Variants in TMEM39A observed in about 807,000 individuals in gnomAD.
TMEM39A encodes suppressor of SQST-1 aggregates in rpl-43 mutants.
A neutral mutation model predicts 51.9 loss-of-function variants in TMEM39A; 19 were observed. That is an observed-to-expected ratio of 0.37 (90% CI 0.26 to 0.54). TMEM39A has a LOEUF of 0.54. TMEM39A is among the 20% of genes least tolerant of loss of function. The pLI is 0.88. For missense variants in TMEM39A, 433 were observed against 590.5 expected (o/e 0.73, Z 2.76); for synonymous variants, 197 against 220.2 (o/e 0.89, Z 0.93).
chr3:119,438,372 A>T (rs1038931537), intron 5 of TMEM39A, among the ~76,000 whole-genome samples: 1 of 152,214 alleles, frequency 6.6e-6, no homozygotes, highest in African/African-American at 2.4e-5. Context: ...AGCAATAATC[A>T]TTTTTATAAC....
rs777966455 is a variant in TMEM39A, at chr3:119,451,428, AG to A, written c.420+1018del. 193 of 575,096 alleles carry A rather than the reference AG, an allele frequency of 3.4e-4. 1 individual carries two copies. Among genetic ancestry groups the A allele is most frequent in the Non-Finnish European group, 4.3e-4 (153 of 356,630 alleles). The allele number at this position is 575,096 out of a possible 1,614,324, so 35.6% of individuals were successfully genotyped here. A position where few individuals can be genotyped will look rare whatever the true frequency, so the allele number is the denominator to read the frequency against. ...TATAAGTTCCAAGATTAAAATTATT[AG>A]CCACTTCAGCTAAATTAACATTTTT... On this transcript the variant is annotated intron_variant, in intron 4 of 8. Transcript: ENST00000319172.
At chr3:119,456,973 C>CTT (rs35937230) in intron 3 of TMEM39A, among the ~76,000 whole-genome samples, 1,706 of 140,630 alleles carry the variant, frequency 0.012, 32 homozygotes, top group African/African-American at 0.037. Flanking sequence ...TCATGGTACT[C>CTT]TTTTTTTTTT....
At chr3:119,442,474 T>C (rs974578765) in intron 5 of TMEM39A, among the ~76,000 whole-genome samples, 4 of 152,240 alleles carry the variant, frequency 2.6e-5, no homozygotes, top group Admixed American at 2.6e-4. Context: ...GAAGTAATTC[T>C]GATTTTCAAA....
intron 2 of TMEM39A, among the ~76,000 whole-genome samples, 199 bp downstream of exon 2, chr3:119,461,763 C>G (rs2081342529): frequency 6.6e-6 from 1 of 152,180 alleles, no homozygotes; most frequent in Non-Finnish European, 1.5e-5. Flanking sequence ...GGACTGCTTT[C>G]ACTTTGTGGG....
intron 5 of TMEM39A, among the ~76,000 whole-genome samples, chr3:119,438,790 C>T (rs1014276988): frequency 2.0e-5 from 3 of 152,160 alleles, no homozygotes; most frequent in African/African-American, 7.2e-5. Flanking sequence ...CCTCCTGCCT[C>T]CCTACTGTAT....
At chr3:119,450,805 C>T (rs1021830987) in intron 4 of TMEM39A, among the ~76,000 whole-genome samples, 8 of 112,490 alleles carry the variant, frequency 7.1e-5, no homozygotes, top group South Asian at 3.0e-4. Flanking sequence ...TCAACCTAGG[C>T]GACAGAGCCA....
intron 5 of TMEM39A, among the ~76,000 whole-genome samples, chr3:119,443,134 CGGATAAGGAGCTGCTTCTTAT>C (rs2081078457): frequency 6.9e-6 from 1 of 144,834 alleles, no homozygotes; most frequent in Non-Finnish European, 1.5e-5. Flanking sequence ...CAAACTTAAA[CGGATAAGGAGCTGCTTCTTAT>C]GGATAAGAAA....
chr3:119,436,561 CTA>C, intron 7 of TMEM39A: 1 of 455,632 alleles, frequency 2.2e-6, no homozygotes, highest in Non-Finnish European at 4.0e-6. Flanking sequence ...ATTACACACA[CTA>C]GAGTGACTGG....
intron 5 of TMEM39A, among the ~76,000 whole-genome samples, chr3:119,442,030 A>C (rs147484760): frequency 4.8e-4 from 73 of 152,350 alleles, no homozygotes; most frequent in African/African-American, 1.6e-3. Context: ...ACGGTTTAGA[A>C]AAAAGATTCC....
chr3:119,462,569 A>G (rs2081351790), intron 1 of TMEM39A, among the ~76,000 whole-genome samples: 2 of 135,458 alleles, frequency 1.5e-5, no homozygotes, highest in African/African-American at 5.6e-5. Context: ...AGATGGTCAC[A>G]TATTATCTGA....
At chr3:119,442,988 C>T (rs2107669731) in intron 5 of TMEM39A, among the ~76,000 whole-genome samples, 1 of 150,636 alleles carries the variant, frequency 6.6e-6, no homozygotes, top group African/African-American at 2.4e-5. Flanking sequence ...ATCACTTGAG[C>T]CCAGGAGACA....
At chr3:119,453,667 A>T (rs1384135214) in intron 3 of TMEM39A, among the ~76,000 whole-genome samples, 1 of 152,204 alleles carries the variant, frequency 6.6e-6, no homozygotes, top group Non-Finnish European at 1.5e-5. Flanking sequence ...GGTTTGGAAG[A>T]AGCATATTGG....
At chr3:119,460,698 A>G (rs1016366888) in intron 2 of TMEM39A, among the ~76,000 whole-genome samples, 11 of 152,232 alleles carry the variant, frequency 7.2e-5, no homozygotes, top group Non-Finnish European at 1.0e-4. Flanking sequence ...CCTCAAAGCC[A>G]AAGTCAAAGA....
rs906413699 is a variant in TMEM39A at position 119,436,846 on chromosome 3, G to A, written c.1057C>T (p.Leu353=). 2.5e-6 allele frequency: 4 copies of A among 1,613,912 alleles called. No individual in the cohort carries two copies. The highest frequency in any genetic ancestry group is 3.4e-6 in the Non-Finnish European group (4 of 1,179,950). ...TGTTCCAACTTCTGCCACTTGCCCA[G>A]GTGAGCAGCTGATTTATGTAGCAAA... ...CDLLHKSAAH[L]GKWQKLEHGS... is the part of the protein sequence containing the mutation. Residue 353 remains leucine, a synonymous_variant, in exon 7 of 9, where the codon CTG becomes TTG. Coordinates refer to ENST00000319172, the MANE Select transcript of TMEM39A (RefSeq NM_018266.3).
At chr3:119,451,251 T>A (rs1431620983) in intron 4 of TMEM39A, 2 of 1,286,512 alleles carry the variant, frequency 1.6e-6, no homozygotes, top group Non-Finnish European at 2.0e-6. Context: ...AGATCTTGAC[T>A]TAGTATTTCC....
At chr3:119,445,421 C>T (rs994946158) in intron 5 of TMEM39A, among the ~76,000 whole-genome samples, 15 of 152,118 alleles carry the variant, frequency 9.9e-5, no homozygotes, top group South Asian at 4.1e-4. Context: ...CGTGCCACCA[C>T]GCCCTGCTAA....
At chr3:119,436,536 T>C (rs1330787020) in intron 7 of TMEM39A, 8 of 346,326 alleles carry the variant, frequency 2.3e-5, no homozygotes, top group African/African-American at 8.4e-5. Context: ...GCCAAGTGCA[T>C]TGCTTGGGAG....
At chr3:119,434,192 T>C (rs1209180643) in intron 8 of TMEM39A, among the ~76,000 whole-genome samples, 4 of 152,190 alleles carry the variant, frequency 2.6e-5, no homozygotes, top group Admixed American at 2.0e-4. Flanking sequence ...AAAGACCAAA[T>C]AGATCATAAC....
At chr3:119,440,697 A>C (rs1338085525) in intron 5 of TMEM39A, among the ~76,000 whole-genome samples, 1 of 152,200 alleles carries the variant, frequency 6.6e-6, no homozygotes, top group Non-Finnish European at 1.5e-5. Context: ...TAGTATTTTA[A>C]ATTTCTCGCA....
Sources: allele counts gnomAD v4.1 joint callset (sites outside exome capture counted in the v4.1 genomes callset), GRCh38; gene constraint gnomAD v4.1.1; transcripts MANE v1.5; gene names NCBI Gene and HGNC (gene_info 2026-07-23, HGNC 2026-07-21).